Variants in SVIL observed in about 807,000 individuals in gnomAD.
The protein encoded by SVIL is archvillin.
Under a neutral mutation model 240.4 loss-of-function variants are expected in SVIL, and 101 were observed. The observed-to-expected ratio is 0.42, with a 90% CI of 0.36 to 0.50. The LOEUF is 0.50. Ranked by LOEUF, SVIL falls within the 20% of genes least tolerant of loss-of-function variation. The pLI, the probability that SVIL is intolerant of heterozygous loss-of-function variation, is 0.01. For synonymous variants in SVIL, 999 were observed against 1,100.0 expected (o/e 0.91, Z 1.82); for missense variants, 2,512 against 2,818.7 (o/e 0.89, Z 2.46).
chr10:29,472,829 G>A lies in SVIL; in HGVS notation c.5529+1009C>T, dbSNP rs569763214. Among the ~76,000 whole-genome samples, 10 of 152,262 alleles carry A rather than the reference G, an allele frequency of 6.6e-5. No individual in the cohort carries two copies. In the South Asian group the frequency reaches 2.1e-3, roughly 32 times the overall value. ...GTCTCAGGGTCTCTGTCATGCTCCT[G>A]GGGGATCATGTAGCTTTAGGTGGTG... On this transcript the variant is annotated intron_variant, in intron 30 of 37. Coordinates refer to ENST00000355867, the MANE Select transcript of SVIL (RefSeq NM_021738.3).
At chr10:29,736,631 T>TGCGCCCACACTCAC (rs763519633), upstream of SVIL, 1 of 151,902 alleles carries the variant, frequency 6.6e-6, no homozygotes, top group African/African-American at 2.4e-5. Context: ...TTCCCGGGGG[T>TGCGCCCACACTCAC]GCGCCCACAC....
intron 6 of SVIL, among the ~76,000 whole-genome samples, chr10:29,544,820 G>GA (rs530828494): frequency 7.9e-5 from 11 of 139,426 alleles, no homozygotes; most frequent in African/African-American, 2.6e-4. Context: ...AGGATGAAAT[G>GA]AAAAAAAAGA....
intron 1 of SVIL, among the ~76,000 whole-genome samples, chr10:29,706,500 AT>A (rs952274321): frequency 9.3e-5 from 14 of 150,956 alleles, no homozygotes; most frequent in African/African-American, 2.7e-4. Flanking sequence ...TTTGATGGGT[AT>A]TTTTTTTTCC....
chr10:29,732,037 G>A (rs939840773), intron 1 of SVIL, among the ~76,000 whole-genome samples: 1 of 152,252 alleles, frequency 6.6e-6, no homozygotes, highest in Admixed American at 6.5e-5. Flanking sequence ...TCCAGATGGA[G>A]TGCAACAAGT....
chr10:29,682,115 TC>T, intron 2 of SVIL, among the ~76,000 whole-genome samples: 1 of 152,326 alleles, frequency 6.6e-6, no homozygotes, highest in South Asian at 2.1e-4. Flanking sequence ...GCTTTGCATC[TC>T]TTCCAAATCT....
intron 2 of SVIL, among the ~76,000 whole-genome samples, chr10:29,673,002 C>A (rs1390441334): frequency 6.6e-6 from 1 of 152,134 alleles, no homozygotes; most frequent in African/African-American, 2.4e-5. Flanking sequence ...CAACTGCAGC[C>A]TCCCAGGTTA....
At chr10:29,602,348 A>T (rs1339350938) in intron 1 of SVIL, 1 of 523,418 alleles carries the variant, frequency 1.9e-6, no homozygotes, top group Admixed American at 2.0e-5. Flanking sequence ...TACACCTTCC[A>T]ACATGCCGTA....
rs753643556 is a variant in SVIL at position 29,495,077 on chromosome 10, G to A, written c.3754+15C>T. The A allele has an allele frequency of 2.3e-5, 37 of 1,599,876 alleles. 1 individual carries two copies. In the Admixed American group the frequency reaches 6.0e-4, roughly 26 times the overall value. On this transcript the variant is annotated intron_variant, in intron 19 of 37. Coordinates refer to ENST00000355867, the MANE Select transcript of SVIL (RefSeq NM_021738.3). ...TCAGAAACTGCTTGGCGTGGCCGGGGCCTTGGCGACTTACCTTCCAGGGGT... is the reference window on the plus strand; with the variant it reads ...TCAGAAACTGCTTGGCGTGGCCGGGACCTTGGCGACTTACCTTCCAGGGGT...
chr10:29,729,832 T>A (rs1589593518), intron 1 of SVIL, among the ~76,000 whole-genome samples: 2 of 41,594 alleles, frequency 4.8e-5, no homozygotes, highest in African/African-American at 1.0e-4. Flanking sequence ...AGACTCCATC[T>A]CAAAAAAAAA....
At chr10:29,629,442 G>C (rs1199641907) in intron 1 of SVIL, among the ~76,000 whole-genome samples, 1 of 152,130 alleles carries the variant, frequency 6.6e-6, no homozygotes, top group Admixed American at 6.5e-5. Context: ...TCTAAGTCCA[G>C]TGCAGACCTA....
intron 1 of SVIL, among the ~76,000 whole-genome samples, chr10:29,726,672 G>A (rs1009756939): frequency 1.3e-5 from 2 of 152,080 alleles, no homozygotes; most frequent in Admixed American, 6.6e-5. Flanking sequence ...GCTTGAACTC[G>A]GGAGGTGGAG....
chr10:29,560,479 G>A lies in SVIL; in HGVS notation c.-51+2722C>T, dbSNP rs116715961. ...AAAAATCTTTTTAAATATTATAAACGTTACATAGGTAAAGATTTTTAATCC... is the reference window on the plus strand; with the variant it reads ...AAAAATCTTTTTAAATATTATAAACATTACATAGGTAAAGATTTTTAATCC... On this transcript the variant is annotated intron_variant, in intron 3 of 37. Coordinates refer to ENST00000355867, the MANE Select transcript of SVIL (RefSeq NM_021738.3). Among the ~76,000 whole-genome samples the A allele has an allele frequency of 1.4e-3, 215 of 152,172 alleles. 1 individual carries two copies. Among genetic ancestry groups the A allele is most frequent in the African/African-American group, 4.9e-3 (204 of 41,508 alleles).
intron 1 of SVIL, among the ~76,000 whole-genome samples, chr10:29,700,375 C>G (rs959723280): frequency 6.6e-6 from 1 of 151,926 alleles, no homozygotes; most frequent in African/African-American, 2.4e-5. Context: ...CCCACTACAG[C>G]CTGAAAATGT....
At position 29,590,239 on chromosome 10, in the gene SVIL, C is replaced by T. The variant is rs77729402; in HGVS notation, c.-200-20927G>A. ...TCCCTTCCAGCCCCTGGGACTCTCT[C>T]CTTAATAATAAAGATATTACCAGAC... On this transcript the variant is annotated intron_variant, in intron 1 of 37. Coordinates refer to ENST00000355867, the MANE Select transcript of SVIL (RefSeq NM_021738.3). Among the ~76,000 whole-genome samples, 210 of 150,860 alleles carry T rather than the reference C, an allele frequency of 1.4e-3. 3 individuals are homozygous for T. The East Asian group carries it at 0.037, about 27-fold the overall frequency.
At chr10:29,489,928 A>G (rs1564504618) in intron 22 of SVIL, among the ~76,000 whole-genome samples, 1 of 152,248 alleles carries the variant, frequency 6.6e-6, no homozygotes, top group Non-Finnish European at 1.5e-5. Context: ...TAAGAAAAAC[A>G]TTAGGAAATA....
chr10:29,537,987 T>G (rs1386157786), intron 6 of SVIL, among the ~76,000 whole-genome samples: 1 of 152,226 alleles, frequency 6.6e-6, no homozygotes, highest in Admixed American at 6.5e-5. Context: ...AACTTTTATT[T>G]GATGGGAAGA....
At chr10:29,504,435 A>G (rs1236898373) in intron 17 of SVIL, among the ~76,000 whole-genome samples, 1 of 152,228 alleles carries the variant, frequency 6.6e-6, no homozygotes, top group Admixed American at 6.5e-5. Flanking sequence ...TTTGCAAAAG[A>G]CATATCTGAT....
intron 1 of SVIL, among the ~76,000 whole-genome samples, chr10:29,617,593 A>T (rs1445977919): frequency 6.6e-6 from 1 of 151,052 alleles, no homozygotes; most frequent in Admixed American, 6.6e-5. Flanking sequence ...AAAAAAAAAG[A>T]AAGAAAGAAA....
chr10:29,699,800 C>A (rs1752581), intron 1 of SVIL, among the ~76,000 whole-genome samples: 1 of 152,094 alleles, frequency 6.6e-6, no homozygotes, highest in Non-Finnish European at 1.5e-5. Flanking sequence ...CCCAGGCCTC[C>A]GGGCACCTGA....
Sources: allele counts gnomAD v4.1 joint callset (sites outside exome capture counted in the v4.1 genomes callset), GRCh38; gene constraint gnomAD v4.1.1; transcripts MANE v1.5; gene names NCBI Gene and HGNC (gene_info 2026-07-23, HGNC 2026-07-21).